AKAP8: variants seen among roughly 807,000 people sequenced by gnomAD.
AKAP8 encodes A-kinase anchoring protein 8, also known as A-kinase anchor protein 8.
In AKAP8, 24 loss-of-function variants were observed where a neutral mutation model predicts 67.5. The observed-to-expected ratio is 0.36, with a 90% CI of 0.26 to 0.50. AKAP8 has a LOEUF of 0.50. Ranked by LOEUF, AKAP8 falls within the 20% of genes least tolerant of loss-of-function variation. The pLI, the probability that AKAP8 is intolerant of heterozygous loss-of-function variation, is 0.97. For synonymous variants in AKAP8, 400 were observed against 371.1 expected (o/e 1.08, Z -0.90); for missense variants, 971 against 955.9 (o/e 1.02, Z -0.21).
Position 15,354,492 on chromosome 19 carries a change from A to C in AKAP8, c.*423T>G, listed in dbSNP as rs140653906. The C allele has an allele frequency of 2.2e-4, 38 of 174,098 alleles. 1 individual carries two copies. In the South Asian group the frequency reaches 4.1e-3, roughly 19 times the overall value. The allele number at this position is 174,098 out of a possible 1,614,324, so 10.8% of individuals were successfully genotyped here. A position where few individuals can be genotyped will look rare whatever the true frequency, so the allele number is the denominator to read the frequency against. ...TTAAAGGCTGAAGCTTGAAACATAC[A>C]AAAAAAAATCCTCTATAGAGCAAGA... On this transcript the variant is annotated 3_prime_UTR_variant, in exon 14 of 14. Transcript: ENST00000269701.
chr19:15,366,328 G>T (rs936729059), intron 9 of AKAP8, among the ~76,000 whole-genome samples: 5 of 151,960 alleles, frequency 3.3e-5, no homozygotes, highest in Admixed American at 3.3e-4. Context: ...TAATTAAAAA[G>T]AAAATGTCAT....
chr19:15,355,321 TCTC>T lies in AKAP8; in HGVS notation c.1670_1672del (p.Gly557del). 1 of 1,613,748 alleles carries T rather than the reference TCTC, an allele frequency of 6.2e-7. No individual in the cohort carries two copies. The highest frequency in any genetic ancestry group is 8.5e-7 in the Non-Finnish European group (1 of 1,180,010). On this transcript the variant is annotated inframe_deletion, in exon 14 of 14. Coordinates refer to ENST00000269701, the MANE Select transcript of AKAP8 (RefSeq NM_005858.4). ...CTTATCCTCACCTCCTAAATTGTCA[TCTC>T]CTTCCATTTCTGGATCAACAGTTTC... is the stretch of plus-strand genomic sequence containing the variant.
Position 15,353,923 on chromosome 19 carries a change from TCATTTTA to T in AKAP8, c.*985_*991del, listed in dbSNP as rs895125651. ...ATTTCTCTAAAATGAAACATATATT[TCATTTTA>T]TATATATATATATATATTACAGATA... On this transcript the variant is annotated 3_prime_UTR_variant, in exon 14 of 14. Coordinates refer to ENST00000269701, the MANE Select transcript of AKAP8 (RefSeq NM_005858.4). The T allele has an allele frequency of 1.7e-4, 12 of 70,204 alleles. No individual in the cohort carries two copies. The highest frequency in any genetic ancestry group is 9.2e-4 in the East Asian group (1 of 1,084). The allele number at this position is 70,204 out of a possible 1,614,324, so 4.3% of individuals were successfully genotyped here.
In AKAP8 at chr19:15,369,492, C is replaced by A; in HGVS notation, c.1072+654G>T. 6.6e-6 allele frequency among the ~76,000 whole-genome samples: 1 copy of A among 152,210 alleles called. No homozygotes were observed. Among genetic ancestry groups the A allele is most frequent in the Non-Finnish European group, 1.5e-5 (1 of 68,042 alleles). On this transcript the variant is annotated intron_variant, in intron 8 of 13. Transcript: ENST00000269701. The surrounding 1 kb of genome is among the most constrained non-coding windows in gnomAD (Gnocchi z 4.6). ...GAAACGAGTGGCTTCAGGGTGAGCTCCAGGCCGCGGCACCTCAGGCCGCTC... is the reference window on the plus strand; with the variant it reads ...GAAACGAGTGGCTTCAGGGTGAGCTACAGGCCGCGGCACCTCAGGCCGCTC...
intron 13 of AKAP8, among the ~76,000 whole-genome samples, chr19:15,356,843 G>C (rs2048281673): frequency 6.6e-6 from 1 of 151,748 alleles, no homozygotes; most frequent in African/African-American, 2.4e-5. Context: ...AAATTAGCCA[G>C]CATGTGGCCG....
intron 2 of AKAP8, among the ~76,000 whole-genome samples, chr19:15,375,793 C>T (rs1031153884): frequency 3.3e-5 from 5 of 152,046 alleles, no homozygotes; most frequent in Admixed American, 1.3e-4. Flanking sequence ...CCCGCCACCG[C>T]GCCCGGCTAA....
At chr19:15,372,372 G>A (rs1381622068) in intron 5 of AKAP8, 25 bp from the exon 6 acceptor site, 1 of 1,611,822 alleles carries the variant, frequency 6.2e-7, no homozygotes, top group Non-Finnish European at 8.5e-7. Flanking sequence ...CACACCCCAT[G>A]AGCTACTTAC....
At chr19:15,361,338 G>C (rs1599558201) in intron 11 of AKAP8, 3 of 227,168 alleles carry the variant, frequency 1.3e-5, no homozygotes, top group South Asian at 6.7e-5. Flanking sequence ...ACTTGGGCTG[G>C]CTTCATGCCA....
chr19:15,373,375 C>T (rs766803000), intron 4 of AKAP8, 35 bp from the exon 5 acceptor site: 3 of 1,563,952 alleles, frequency 1.9e-6, no homozygotes, highest in Non-Finnish European at 2.6e-6. Flanking sequence ...GGGGCGGTCA[C>T]CCCGATCACC....
intron 9 of AKAP8, among the ~76,000 whole-genome samples, chr19:15,363,446 C>A (rs1313897984): frequency 6.7e-6 from 1 of 149,120 alleles, no homozygotes; most frequent in Admixed American, 6.6e-5. Flanking sequence ...GTGAGGAGCC[C>A]CCCTGCCCGG....
At chr19:15,358,843 T>C (rs962390360) in intron 13 of AKAP8, 124 bp downstream of exon 13, 2 of 840,424 alleles carry the variant, frequency 2.4e-6, no homozygotes, top group Non-Finnish European at 4.0e-6. Context: ...TGCATTCCAG[T>C]GTCCCTCAAC....
chr19:15,370,279 C>A, intron 7 of AKAP8, 100 bp from the exon 8 acceptor site: 2 of 1,389,000 alleles, frequency 1.4e-6, no homozygotes, highest in South Asian at 2.4e-5. Context: ...CAGTCTCACC[C>A]AAGACCTAGG....
At chr19:15,366,282 C>T (rs1355025158) in intron 9 of AKAP8, among the ~76,000 whole-genome samples, 1 of 150,996 alleles carries the variant, frequency 6.6e-6, no homozygotes, top group Non-Finnish European at 1.5e-5. Context: ...CAGAGAAAGA[C>T]CCCTATCTCT....
intron 9 of AKAP8, 56 bp downstream of exon 9, chr19:15,368,179 G>A: frequency 6.3e-7 from 1 of 1,599,882 alleles, no homozygotes; most frequent in Non-Finnish European, 8.5e-7. Flanking sequence ...GAGCTCGGCA[G>A]CGCCTCCACC....
intron 9 of AKAP8, among the ~76,000 whole-genome samples, chr19:15,364,160 T>C (rs1967031869): frequency 2.8e-4 from 3 of 10,906 alleles, no homozygotes; most frequent in South Asian, 2.9e-3. Flanking sequence ...TTTCTTTCCT[T>C]TTTTTTTTTT....
intron 1 of AKAP8, among the ~76,000 whole-genome samples, chr19:15,378,144 C>A (rs1967287332): frequency 6.6e-6 from 1 of 152,216 alleles, no homozygotes; most frequent in South Asian, 2.1e-4. Flanking sequence ...GACAAGGGAG[C>A]TAGGCTCATG....
chr19:15,356,356 G>A (rs1346984416), intron 13 of AKAP8, among the ~76,000 whole-genome samples: 1 of 152,060 alleles, frequency 6.6e-6, no homozygotes, highest in Admixed American at 6.6e-5. Context: ...AGTAAGTCGA[G>A]ATCACGCCAC....
intron 9 of AKAP8, among the ~76,000 whole-genome samples, chr19:15,363,600 G>A (rs1238900090): frequency 2.6e-5 from 4 of 151,300 alleles, no homozygotes; most frequent in Non-Finnish European, 3.0e-5. Flanking sequence ...CTGCCCGGCC[G>A]CCCCTACTGG....
intron 9 of AKAP8, among the ~76,000 whole-genome samples, chr19:15,364,225 G>A (rs748326056): frequency 5.6e-5 from 8 of 142,980 alleles, no homozygotes; most frequent in East Asian, 4.2e-4. Context: ...GCAATGGTGC[G>A]ATCTCAGCTA....
Sources: allele counts gnomAD v4.1 joint callset (sites outside exome capture counted in the v4.1 genomes callset), GRCh38; gene constraint gnomAD v4.1.1; non-coding constraint Gnocchi (gnomAD v3.1); transcripts MANE v1.5; gene names NCBI Gene and HGNC (gene_info 2026-07-23, HGNC 2026-07-21).